LRRC37A2: variants seen among roughly 807,000 people sequenced by gnomAD.
LRRC37A2 encodes the protein leucine rich repeat containing 37 member A2.
Under a neutral mutation model 68.8 loss-of-function variants are expected in LRRC37A2, and 9 were observed. That is an observed-to-expected ratio of 0.13 (90% confidence interval 0.08 to 0.23). The LOEUF (loss-of-function observed/expected upper bound fraction) is 0.23, where lower values mean the gene tolerates loss of function less well. Ranked by LOEUF, LRRC37A2 falls within the 10% of genes least tolerant of loss-of-function variation. The pLI is 1.00. For missense variants in LRRC37A2, 168 were observed against 950.4 expected (o/e 0.18, Z 10.82); for synonymous variants, 63 against 367.6 (o/e 0.17, Z 9.48).
chr17:46,798,662 C>A, the LRRC37A2 span, among the ~76,000 whole-genome samples: 1 of 152,172 alleles, frequency 6.6e-6, no homozygotes, highest in Non-Finnish European at 1.5e-5. Flanking sequence ...CACACTCACT[C>A]ACTGTGCTTA....
the LRRC37A2 span, among the ~76,000 whole-genome samples, chr17:46,671,914 G>C: frequency 1.4e-5 from 2 of 144,462 alleles, no homozygotes; most frequent in South Asian, 4.2e-4. Flanking sequence ...ATTTAAATTA[G>C]CTCAGCTATG....
At chr17:46,928,866 C>T in the LRRC37A2 span, among the ~76,000 whole-genome samples, 1 of 152,160 alleles carries the variant, frequency 6.6e-6, no homozygotes, top group Non-Finnish European at 1.5e-5. Context: ...CAGCGATGCT[C>T]AGAACTCTTT....
the LRRC37A2 span, among the ~76,000 whole-genome samples, chr17:46,759,629 CCA>C: frequency 6.6e-6 from 1 of 152,178 alleles, no homozygotes; most frequent in Non-Finnish European, 1.5e-5. Flanking sequence ...TGCAGACCAG[CCA>C]CACACACAAG....
At chr17:47,017,176 G>A in the LRRC37A2 span, 13 of 1,608,792 alleles carry the variant, frequency 8.1e-6, no homozygotes, top group Admixed American at 1.7e-5. Context: ...GGGCACGAGT[G>A]TCTCGGAGCT....
chr17:46,873,964 G>C, the LRRC37A2 span, among the ~76,000 whole-genome samples: 1 of 151,016 alleles, frequency 6.6e-6, no homozygotes, highest in Admixed American at 6.6e-5. Flanking sequence ...ACTCCAGCCT[G>C]GGAGACAGAA....
At chr17:46,926,674 C>T in the LRRC37A2 span, among the ~76,000 whole-genome samples, 5 of 152,188 alleles carry the variant, frequency 3.3e-5, no homozygotes, top group African/African-American at 7.2e-5. Context: ...ACAGATTTTG[C>T]ACTTGGCATA....
chr17:47,048,003 A>T, the LRRC37A2 span, among the ~76,000 whole-genome samples: 1 of 151,394 alleles, frequency 6.6e-6, no homozygotes, highest in Non-Finnish European at 1.5e-5. Context: ...TGGAGAATTA[A>T]TAATGCTTGG....
At chr17:46,779,053 T>TCACACACACACACACACACACA in the LRRC37A2 span, among the ~76,000 whole-genome samples, 477 of 100,618 alleles carry the variant, frequency 4.7e-3, 9 homozygotes, top group Admixed American at 5.5e-3. Context: ...CCCTACCCCA[T>TCACACACACACACACACACACA]CACACACACA....
At chr17:46,463,815 G>C in the LRRC37A2 span, among the ~76,000 whole-genome samples, 7 of 90,098 alleles carry the variant, frequency 7.8e-5, 3 homozygotes, top group African/African-American at 2.9e-4. Context: ...ATGAATAATA[G>C]ATTTACATAG....
At chr17:46,843,050 A>G in the LRRC37A2 span, among the ~76,000 whole-genome samples, 1 of 152,254 alleles carries the variant, frequency 6.6e-6, no homozygotes, top group Non-Finnish European at 1.5e-5. Flanking sequence ...TATTGGAGAC[A>G]TGTGGTATTG....
At chr17:46,793,271 C>A in the LRRC37A2 span, among the ~76,000 whole-genome samples, 1 of 16,758 alleles carries the variant, frequency 6.0e-5, no homozygotes, top group Non-Finnish European at 1.5e-4. Flanking sequence ...GAGACCCTGT[C>A]TAAAAAAAAA....
chr17:46,973,208 C>A, the LRRC37A2 span: 1 of 153,774 alleles, frequency 6.5e-6, no homozygotes, highest in East Asian at 2.0e-4. Context: ...CTGCCTCTGC[C>A]ACTCATTAGC....
the LRRC37A2 span, among the ~76,000 whole-genome samples, chr17:46,736,722 T>A: frequency 2.0e-5 from 3 of 152,264 alleles, no homozygotes; most frequent in Non-Finnish European, 4.4e-5. Flanking sequence ...ACCACTAGGG[T>A]TAAATGAGAC....
At chr17:46,877,776 G>C in the LRRC37A2 span, among the ~76,000 whole-genome samples, 2 of 152,204 alleles carry the variant, frequency 1.3e-5, no homozygotes, top group African/African-American at 2.4e-5. Context: ...ATGACTTGAA[G>C]TTACATTTCT....
At chr17:46,958,510 A>G in the LRRC37A2 span, among the ~76,000 whole-genome samples, 8 of 152,232 alleles carry the variant, frequency 5.3e-5, no homozygotes, top group African/African-American at 1.9e-4. Flanking sequence ...GCCAAGAGCC[A>G]CTGGAAGTAG....
At chr17:46,804,368 C>T in the LRRC37A2 span, among the ~76,000 whole-genome samples, 1 of 152,154 alleles carries the variant, frequency 6.6e-6, no homozygotes, top group Non-Finnish European at 1.5e-5. Context: ...ACTACAGGCG[C>T]AAGCCACCAC....
At chr17:46,829,894 C>G in the LRRC37A2 span, among the ~76,000 whole-genome samples, 28 of 152,228 alleles carry the variant, frequency 1.8e-4, no homozygotes, top group South Asian at 3.1e-3. Context: ...ATCTAGATCT[C>G]TCTGTGGCCG....
At chr17:46,815,723 C>G in the LRRC37A2 span, among the ~76,000 whole-genome samples, 1 of 152,168 alleles carries the variant, frequency 6.6e-6, no homozygotes, top group Non-Finnish European at 1.5e-5. Context: ...ACAGACAGGA[C>G]AAGCTGGTGT....
chr17:47,015,095 C>A, the LRRC37A2 span, among the ~76,000 whole-genome samples: 1 of 150,898 alleles, frequency 6.6e-6, no homozygotes, highest in Admixed American at 6.6e-5. Context: ...GCAACCTCCA[C>A]CTCCCGGGTT....
Sources: allele counts gnomAD v4.1 joint callset (sites outside exome capture counted in the v4.1 genomes callset), GRCh38; gene constraint gnomAD v4.1.1; transcripts MANE v1.5; gene names NCBI Gene and HGNC (gene_info 2026-07-23, HGNC 2026-07-21).